STYK1: variants seen among roughly 807,000 people sequenced by gnomAD.
The protein encoded by STYK1 is STY kinase 1.
In STYK1, 46 loss-of-function variants were observed where a neutral mutation model predicts 48.1. The observed-to-expected ratio is 0.96, with a 90% CI of 0.75 to 1.22. STYK1 has a LOEUF of 1.22. STYK1 is among the 50% of genes most tolerant of loss of function. The pLI, the probability that STYK1 is intolerant of heterozygous loss-of-function variation, is 0.00. For synonymous variants in STYK1, 188 were observed against 189.0 expected (o/e 0.99, Z 0.04); for missense variants, 527 against 521.1 (o/e 1.01, Z -0.11).
chr12:10,624,673 G>C lies in STYK1; in HGVS notation c.904C>G (p.Pro302Ala), dbSNP rs1368032964. 6.2e-7 allele frequency: 1 copy of C among 1,614,116 alleles called. No individual in the cohort carries two copies. The highest frequency in any genetic ancestry group is 8.5e-7 in the Non-Finnish European group (1 of 1,180,022). The change falls in exon 8 of 11, where the codon CCT becomes GCT. Residue 302 changes from proline to alanine, a missense_variant. Physicochemically the swap from Pro to Ala is conservative, Grantham distance 27. Coordinates refer to ENST00000075503, the MANE Select transcript of STYK1 (RefSeq NM_018423.3). ...TACACATCTGCTCTGATGCTAGCAG[G>C]TCTCAGGAGAAGCCGTTCTGGGGCA... The part of the protein sequence containing the change: ...WLAPERLLLR[P>A]ASIRADVWSF...
At position 10,646,182 on chromosome 12, in the gene STYK1, G is replaced by A. The variant is rs141715943; in HGVS notation, c.-194-8986C>T. On this transcript the variant is annotated intron_variant, in intron 1 of 10. Coordinates refer to ENST00000075503, the MANE Select transcript of STYK1 (RefSeq NM_018423.3). ...TTTTGGAACTGGGTAACAGGGAGAA[G>A]TTGGAACAGTTTGGAGGGCTCAGAA... Among the ~76,000 whole-genome samples the A allele has an allele frequency of 1.5e-3, 228 of 152,370 alleles. 1 individual carries two copies. Among genetic ancestry groups the A allele is most frequent in the African/African-American group, 5.2e-3 (216 of 41,594 alleles).
At chr12:10,627,437 T>C (rs1286571958) in intron 7 of STYK1, among the ~76,000 whole-genome samples, 2 of 152,218 alleles carry the variant, frequency 1.3e-5, no homozygotes, top group Non-Finnish European at 2.9e-5. Context: ...AAATTACCAA[T>C]AGTGTGGTAA....
intron 1 of STYK1, among the ~76,000 whole-genome samples, chr12:10,671,636 C>A (rs192952348): frequency 6.6e-6 from 1 of 152,260 alleles, no homozygotes; most frequent in East Asian, 1.9e-4. Context: ...ACTTCTGACC[C>A]CCAGAACTGT....
At chr12:10,640,528 C>T (rs974235058) in intron 1 of STYK1, 1 of 152,238 alleles carries the variant, frequency 6.6e-6, no homozygotes, top group African/African-American at 2.4e-5. Context: ...TTTGCCCTCC[C>T]CCATTTCCTA....
chr12:10,666,785 G>A (rs1181013711), intron 1 of STYK1, among the ~76,000 whole-genome samples: 1 of 152,160 alleles, frequency 6.6e-6, no homozygotes, highest in Non-Finnish European at 1.5e-5. Context: ...CACCATGTAA[G>A]ACGTGCCTGC....
intron 1 of STYK1, among the ~76,000 whole-genome samples, chr12:10,653,190 A>T (rs1015565812): frequency 2.0e-5 from 3 of 151,782 alleles, no homozygotes; most frequent in Non-Finnish European, 4.4e-5. Flanking sequence ...CTCCTGCCTC[A>T]GCCTCCCGAG....
intron 5 of STYK1, among the ~76,000 whole-genome samples, chr12:10,630,475 T>A (rs1947414531): frequency 6.7e-6 from 1 of 149,664 alleles, no homozygotes; most frequent in Admixed American, 6.8e-5. Context: ...AGAATCCTAG[T>A]ACAAGTAACA....
chr12:10,620,889 T>A (rs1336017140), intron 10 of STYK1, among the ~76,000 whole-genome samples: 1 of 152,194 alleles, frequency 6.6e-6, no homozygotes, highest in Non-Finnish European at 1.5e-5. Context: ...AGGTATTTTG[T>A]CAGTTAGGTG....
chr12:10,656,471 A>C (rs10743913), intron 1 of STYK1, among the ~76,000 whole-genome samples: 83,300 of 151,518 alleles, frequency 0.55, 23,622 homozygotes, highest in East Asian at 0.79. Context: ...CTAAAATACA[A>C]AAAATTAGCT....
intron 7 of STYK1, among the ~76,000 whole-genome samples, chr12:10,625,134 G>C (rs901493372): frequency 3.3e-5 from 5 of 152,178 alleles, no homozygotes; most frequent in African/African-American, 1.2e-4. Flanking sequence ...ACCCCTGCCT[G>C]ATTTTCGTTT....
chr12:10,627,836 A>G (rs1396432520), intron 6 of STYK1, 112 bp from the exon 7 acceptor site: 1 of 777,920 alleles, frequency 1.3e-6, no homozygotes, highest in African/African-American at 1.8e-5. Flanking sequence ...GCTTTGAAAA[A>G]TATAAGGACT....
chr12:10,670,367 A>G (rs1947879021), intron 1 of STYK1, among the ~76,000 whole-genome samples: 1 of 152,210 alleles, frequency 6.6e-6, no homozygotes, highest in Admixed American at 6.5e-5. Flanking sequence ...AAGTATAAAT[A>G]CATACAGTAT....
chr12:10,655,589 T>G (rs1947709516), intron 1 of STYK1, among the ~76,000 whole-genome samples: 1 of 152,190 alleles, frequency 6.6e-6, no homozygotes, highest in South Asian at 2.1e-4. Context: ...CCTCCCCCCA[T>G]GAACAACTTC....
chr12:10,620,341 T>C lies in STYK1; in HGVS notation c.1072A>G (p.Ile358Val), dbSNP rs200052894. 6.8e-5 allele frequency: 110 copies of C among 1,612,814 alleles called. No homozygotes were observed. The highest frequency in any genetic ancestry group is 8.6e-5 in the Non-Finnish European group (102 of 1,180,042). ...CGCCAGCGCCAGCAGGACTTCATGA[T>C]ACTGTACCTGAGAGGGAAACAAGAG... is the stretch of plus-strand genomic sequence containing the variant. ...PSSCTHTMYS[I>V]MKSCWRWREA... is the part of the protein sequence containing the mutation. The change falls in exon 11 of 11, where the codon ATC becomes GTC. Residue 358 changes from isoleucine (I) to valine (V), a missense_variant. Coordinates refer to ENST00000075503, the MANE Select transcript of STYK1 (RefSeq NM_018423.3).
intron 1 of STYK1, among the ~76,000 whole-genome samples, chr12:10,651,324 C>A (rs1479490790): frequency 6.6e-6 from 1 of 152,176 alleles, no homozygotes; most frequent in Non-Finnish European, 1.5e-5. Flanking sequence ...AGTTTTCTTA[C>A]AAGTCTCAGA....
intron 1 of STYK1, 81 bp from the exon 2 acceptor site, chr12:10,637,277 T>C (rs574071960): frequency 6.6e-6 from 1 of 152,286 alleles, no homozygotes; most frequent in South Asian, 2.1e-4. Flanking sequence ...AATAAACCCT[T>C]TCTAATGGTT....
chr12:10,631,053 G>T lies in STYK1; in HGVS notation c.443C>A (p.Ala148Asp). ...PSKPKSVILKALKEPAGLHEV... is the reference protein window; with the variant it reads ...PSKPKSVILKDLKEPAGLHEV... ...AACACTTCTTGTTTTACCTTTTAAA[G>T]CCTTGAGAATAACACTCTTGGGCTT... is the stretch of plus-strand genomic sequence containing the variant. The change falls in exon 5 of 11, where the codon GCT becomes GAT. Residue 148 changes from alanine to aspartate, a missense_variant. By Grantham distance (126) the Ala-to-Asp change is moderately radical. Coordinates refer to ENST00000075503, the MANE Select transcript of STYK1 (RefSeq NM_018423.3). The T allele has an allele frequency of 6.2e-7, 1 of 1,613,632 alleles. No individual in the cohort carries two copies. Among genetic ancestry groups the T allele is most frequent in the Non-Finnish European group, 8.5e-7 (1 of 1,179,784 alleles).
chr12:10,622,734 G>A, intron 8 of STYK1, 56 bp from the exon 9 acceptor site: 1 of 1,602,154 alleles, frequency 6.2e-7, no homozygotes, highest in Non-Finnish European at 8.5e-7. Context: ...TCTAAAGAGA[G>A]CTCATTTAAG....
At chr12:10,663,047 A>C (rs1290748513) in intron 1 of STYK1, among the ~76,000 whole-genome samples, 1 of 152,204 alleles carries the variant, frequency 6.6e-6, no homozygotes, top group South Asian at 2.1e-4. Flanking sequence ...GTGAATATCC[A>C]ATTGTCCCAG....
Sources: gnomAD v4.1 joint callset for allele counts (sites outside exome capture counted in the v4.1 genomes callset) on GRCh38, gnomAD v4.1.1 for gene constraint, MANE v1.5 for transcripts, NCBI Gene and HGNC (gene_info 2026-07-23, HGNC 2026-07-21) for gene names.